BPIFB1: variants seen among roughly 807,000 people sequenced by gnomAD.
BPIFB1 encodes BPI fold-containing family B member 1.
In BPIFB1, 34 loss-of-function variants were observed where a neutral mutation model predicts 55.1. That is an observed-to-expected ratio of 0.62 (90% CI 0.47 to 0.82). The LOEUF is 0.82. Ranked by LOEUF, BPIFB1 falls within the 40% of genes least tolerant of loss-of-function variation. BPIFB1 has a pLI of 0.00. For missense variants in BPIFB1, 532 were observed against 593.1 expected, an observed-to-expected ratio of 0.90 and a Z score of 1.07; for synonymous variants, 236 against 245.3, an observed-to-expected ratio of 0.96 and a Z score of 0.35.
intron 12 of BPIFB1, among the ~76,000 whole-genome samples, chr20:33,304,289 T>C (rs1980947207): frequency 6.6e-6 from 1 of 152,128 alleles, no homozygotes; most frequent in African/African-American, 2.4e-5. Context: ...GCCGTGGCAG[T>C]GACAGTCACC....
At chr20:33,292,044 G>T (rs1446170629) in intron 6 of BPIFB1, 56 bp downstream of exon 6, 11 of 1,497,624 alleles carry the variant, frequency 7.3e-6, no homozygotes, top group East Asian at 2.3e-5. Context: ...TGTGGGGCTT[G>T]GGTGGAACTG....
chr20:33,298,745 T>C (rs574679408), intron 7 of BPIFB1: 1 of 158,026 alleles, frequency 6.3e-6, no homozygotes, highest in South Asian at 1.7e-4. Flanking sequence ...GTGCCAGTTG[T>C]ATACATGAAG....
In BPIFB1 at chr20:33,292,314, C is replaced by G. The variant is rs36122221; in HGVS notation, c.597+326C>G. On this transcript the variant is annotated intron_variant, in intron 6 of 15. Coordinates refer to ENST00000253354, the MANE Select transcript of BPIFB1 (RefSeq NM_033197.3). ...TGCGGATTTCCCTGGTGGAAATACTCCCTTCAGGGCCAATTTTAGGCGACC... is the reference window on the plus strand; with the variant it reads ...TGCGGATTTCCCTGGTGGAAATACTGCCTTCAGGGCCAATTTTAGGCGACC... 5.8e-3 allele frequency among the ~76,000 whole-genome samples: 880 copies of G among 152,188 alleles called. 10 individuals carry two copies. Among genetic ancestry groups the G allele is most frequent in the Non-Finnish European group, 7.9e-3 (534 of 68,016 alleles).
intron 6 of BPIFB1, among the ~76,000 whole-genome samples, chr20:33,294,972 CG>C (rs1568649758): frequency 1.3e-5 from 2 of 151,726 alleles, no homozygotes; most frequent in Non-Finnish European, 2.9e-5. Context: ...CCCAGCACTT[CG>C]GGAGGCCAAG....
chr20:33,295,645 G>T (rs1345666111), intron 6 of BPIFB1, among the ~76,000 whole-genome samples: 1 of 125,386 alleles, frequency 8.0e-6, no homozygotes, highest in Non-Finnish European at 1.5e-5. Flanking sequence ...AAAGAGAGAA[G>T]AAGAAAGAAA....
At chr20:33,308,721 T>C (rs139410083) in intron 15 of BPIFB1, among the ~76,000 whole-genome samples, 9 of 149,862 alleles carry the variant, frequency 6.0e-5, no homozygotes, top group East Asian at 3.9e-4. Context: ...CACCTATACA[T>C]ATACATACAC....
intron 2 of BPIFB1, among the ~76,000 whole-genome samples, chr20:33,286,907 AAAGTCTCATCCCCTT>A (rs1231097326): frequency 6.6e-6 from 1 of 152,244 alleles, no homozygotes; most frequent in Non-Finnish European, 1.5e-5. Context: ...CGACTACTCT[AAAGTCTCATCCCCTT>A]AGAGGGGACT....
chr20:33,303,876 C>A, intron 11 of BPIFB1, 82 bp from the exon 12 acceptor site: 1 of 1,414,526 alleles, frequency 7.1e-7, no homozygotes, highest in Non-Finnish European at 9.9e-7. Flanking sequence ...GAGATTCAGA[C>A]CCCAGAGCCT....
At chr20:33,290,052 C>A (rs1369694865) in intron 4 of BPIFB1, 60 bp downstream of exon 4, 13 of 1,306,112 alleles carry the variant, frequency 1.0e-5, no homozygotes, top group Non-Finnish European at 1.4e-5. Flanking sequence ...CGTTCCCCCT[C>A]CCCCGCCCCC....
intron 8 of BPIFB1, among the ~76,000 whole-genome samples, chr20:33,300,851 G>T (rs1002658256): frequency 6.6e-6 from 1 of 152,172 alleles, no homozygotes; most frequent in Non-Finnish European, 1.5e-5. Flanking sequence ...GCCTCCCAAA[G>T]TGCTAAGATT....
At chr20:33,293,847 T>C (rs1285790056) in intron 6 of BPIFB1, among the ~76,000 whole-genome samples, 3 of 144,066 alleles carry the variant, frequency 2.1e-5, no homozygotes, top group Non-Finnish European at 4.4e-5. Context: ...TCTCAAAAAC[T>C]AAATAAATAA....
intron 11 of BPIFB1, 49 bp from the exon 12 acceptor site, chr20:33,303,908 AC>A (rs1282479073): frequency 1.9e-6 from 3 of 1,590,952 alleles, no homozygotes; most frequent in Non-Finnish European, 2.6e-6. Flanking sequence ...CCCTAATTCC[AC>A]ACTCGGATCC....
At chr20:33,304,686 C>T (rs1980962851) in intron 12 of BPIFB1, among the ~76,000 whole-genome samples, 160 bp from the exon 13 acceptor site, 1 of 152,066 alleles carries the variant, frequency 6.6e-6, no homozygotes, top group Non-Finnish European at 1.5e-5. Flanking sequence ...CCACCCCTGC[C>T]ATTAGAATGC....
chr20:33,293,821 T>A (rs568837243), intron 6 of BPIFB1, among the ~76,000 whole-genome samples: 1 of 152,208 alleles, frequency 6.6e-6, no homozygotes, highest in African/African-American at 2.4e-5. Context: ...AGCCTAGGCA[T>A]GACGGCAAGA....
rs549804910 is a variant in BPIFB1, at chr20:33,286,058, T to G, written c.-16T>G. 112 of 1,613,520 alleles carry G rather than the reference T, an allele frequency of 6.9e-5. No individual in the cohort carries two copies. The highest frequency in any genetic ancestry group is 9.2e-5 in the Non-Finnish European group (108 of 1,179,604). On this transcript the variant is annotated 5_prime_UTR_variant, in exon 2 of 16. Transcript: ENST00000253354. Reference sequence around the variant, plus strand: ...GTCTGGCATCCTGCACTTGCTGCCCTCTGACACCTGGGAAGATGGCCGGCC... The same window carrying G: ...GTCTGGCATCCTGCACTTGCTGCCCGCTGACACCTGGGAAGATGGCCGGCC...
Sources: gnomAD v4.1 joint callset for allele counts (sites outside exome capture counted in the v4.1 genomes callset) on GRCh38, gnomAD v4.1.1 for gene constraint, MANE v1.5 for transcripts, NCBI Gene and HGNC (gene_info 2026-07-23, HGNC 2026-07-21) for gene names.